ANK2: variants seen among roughly 807,000 people sequenced by gnomAD.
ANK2 encodes ankyrin 2.
ANK2 carries 83 observed loss-of-function variants against 360.5 expected under a neutral mutation model. The observed-to-expected ratio is 0.23, with a 90% CI of 0.19 to 0.28. The LOEUF is 0.28. Among genes scored for constraint, ANK2 ranks in the 10% least tolerant of loss-of-function variants. ANK2 has a pLI of 1.00. For synonymous variants in ANK2, 1,740 were observed against 1,759.5 expected, an observed-to-expected ratio of 0.99 and a Z score of 0.28; for missense variants, 4,201 against 4,795.7, an observed-to-expected ratio of 0.88 and a Z score of 3.66.
chr4:113,077,225 C>T (rs1040390842), intron 1 of ANK2, among the ~76,000 whole-genome samples: 2 of 151,796 alleles, frequency 1.3e-5, no homozygotes, highest in African/African-American at 4.8e-5. Flanking sequence ...AGAAGATTCT[C>T]ATCATATCAT....
At chr4:112,813,322 T>C (rs1012150432), upstream of ANK2, among the ~76,000 whole-genome samples, 4 of 150,774 alleles carry the variant, frequency 2.7e-5, no homozygotes, top group Non-Finnish European at 5.9e-5. Context: ...TTACAAATGA[T>C]GACAATAAAA....
Position 113,031,324 on chromosome 4 carries a change from A to T in ANK2, c.21+126810A>T, listed in dbSNP as rs1164854916. On this transcript the variant is annotated intron_variant, in intron 2 of 30. Transcript: ENST00000503271. Reference sequence around the variant, plus strand: ...TTCTCTTTATTGCATTTTTCTGGAGATATTTATCTTTCCCTGAACCCATTC... The same window carrying T: ...TTCTCTTTATTGCATTTTTCTGGAGTTATTTATCTTTCCCTGAACCCATTC... 31 of 151,850 alleles carry T rather than the reference A, an allele frequency of 2.0e-4. 1 individual carries two copies. The highest frequency in any genetic ancestry group is 4.6e-4 in the Non-Finnish European group (31 of 67,952). The allele number at this position is 151,850 out of a possible 1,614,324, so 9.4% of individuals were successfully genotyped here. A position where few individuals can be genotyped will look rare whatever the true frequency, so the allele number is the denominator to read the frequency against.
In ANK2 at chr4:113,063,858, G is replaced by T. The variant is rs190232785; in HGVS notation, c.84+14046G>T. Among the ~76,000 whole-genome samples the T allele has an allele frequency of 1.6e-3, 247 of 152,120 alleles. 5 individuals carry two copies. Among genetic ancestry groups the T allele is most frequent in the Non-Finnish European group, 8.5e-4 (58 of 67,980 alleles). On this transcript the variant is annotated intron_variant, in intron 1 of 45. Coordinates refer to ENST00000357077, the MANE Select transcript of ANK2 (RefSeq NM_001148.6). The stretch of plus-strand genomic sequence containing the variant: ...TAATGTCCAACTAAATACATTTGAA[G>T]TTATTTAGATTGCAATAAAAAAAAC...
At chr4:113,195,753 C>T (rs2098737773) in intron 2 of ANK2, among the ~76,000 whole-genome samples, 1 of 152,100 alleles carries the variant, frequency 6.6e-6, no homozygotes, top group Non-Finnish European at 1.5e-5. Context: ...TTCTATTTTT[C>T]AGGTTGAATT....
At chr4:113,211,709 A>C (rs2153453940) in intron 4 of ANK2, among the ~76,000 whole-genome samples, 1 of 152,320 alleles carries the variant, frequency 6.6e-6, no homozygotes, top group South Asian at 2.1e-4. Context: ...CACTTATTAC[A>C]GGAATTTGAA....
upstream of ANK2, among the ~76,000 whole-genome samples, chr4:113,045,965 A>C (rs79677273): frequency 1.9e-3 from 282 of 152,310 alleles, no homozygotes; most frequent in South Asian, 7.0e-3. Flanking sequence ...TATGCCATGC[A>C]CTGCAGTAGG....
intron 1 of ANK2, among the ~76,000 whole-genome samples, chr4:113,112,169 T>C (rs1450070009): frequency 6.6e-6 from 1 of 152,244 alleles, no homozygotes; most frequent in Non-Finnish European, 1.5e-5. Context: ...TTATAGTAAA[T>C]TAAAAGAATG....
intron 2 of ANK2, among the ~76,000 whole-genome samples, chr4:112,954,951 T>C (rs1210465598): frequency 6.6e-6 from 1 of 152,162 alleles, no homozygotes; most frequent in Non-Finnish European, 1.5e-5. Flanking sequence ...TGTAAAAAAC[T>C]GCATGACCAA....
intron 26 of ANK2, 74 bp downstream of exon 26, chr4:113,318,694 G>A: frequency 4.7e-6 from 6 of 1,273,374 alleles, no homozygotes; most frequent in Non-Finnish European, 6.7e-6. Context: ...GCTTTGTCCA[G>A]TAGCTTTAGC....
chr4:112,917,044 G>A (rs1270571669), intron 2 of ANK2, among the ~76,000 whole-genome samples: 2 of 152,176 alleles, frequency 1.3e-5, no homozygotes, highest in Non-Finnish European at 2.9e-5. Flanking sequence ...ATTAGGAAAC[G>A]CATATGCAAA....
chr4:113,101,456 T>G (rs1027767478), intron 1 of ANK2, among the ~76,000 whole-genome samples: 10 of 152,176 alleles, frequency 6.6e-5, no homozygotes, highest in Non-Finnish European at 1.3e-4. Flanking sequence ...ATTAGTGGTG[T>G]TAACTGGACT....
intron 2 of ANK2, among the ~76,000 whole-genome samples, chr4:113,007,329 C>G (rs886537334): frequency 5.9e-5 from 9 of 152,118 alleles, no homozygotes; most frequent in Non-Finnish European, 1.3e-4. Context: ...GCTGTGCTAT[C>G]CTGGAGAAGC....
intron 1 of ANK2, among the ~76,000 whole-genome samples, chr4:112,819,340 T>G (rs549770015): frequency 6.6e-6 from 1 of 152,352 alleles, no homozygotes; most frequent in East Asian, 1.9e-4. Flanking sequence ...GGCTATGTCT[T>G]TAAGCATTGG....
At chr4:113,195,286 T>G (rs1464302206) in intron 2 of ANK2, among the ~76,000 whole-genome samples, 1 of 152,132 alleles carries the variant, frequency 6.6e-6, no homozygotes, top group Non-Finnish European at 1.5e-5. Flanking sequence ...TACTATTAAA[T>G]GTCACAGTGT....
chr4:113,069,581 G>A (rs2076828885), intron 1 of ANK2, among the ~76,000 whole-genome samples: 1 of 152,186 alleles, frequency 6.6e-6, no homozygotes, highest in Admixed American at 6.5e-5. Flanking sequence ...CTTAAATGGA[G>A]TATTTTGCTA....
In ANK2 at chr4:113,195,607, G is replaced by A. The variant is rs79396155; in HGVS notation, c.187-761G>A. 7.9e-3 allele frequency among the ~76,000 whole-genome samples: 1,197 copies of A among 152,226 alleles called. 18 individuals carry two copies. Among genetic ancestry groups the A allele is most frequent in the African/African-American group, 0.027 (1,138 of 41,536 alleles). ...AATACCGTCTGTATAAGACAAGTGG[G>A]CTATGGAAGCTAATAATTGGCACCA... On this transcript the variant is annotated intron_variant, in intron 2 of 45. Coordinates refer to ENST00000357077, the MANE Select transcript of ANK2 (RefSeq NM_001148.6).
chr4:113,171,184 A>G (rs75280929), intron 1 of ANK2, among the ~76,000 whole-genome samples: 4,025 of 152,280 alleles, frequency 0.026, 160 homozygotes, highest in African/African-American at 0.091. Flanking sequence ...TATCATAATC[A>G]GTTGGGAAAC....
intron 1 of ANK2, among the ~76,000 whole-genome samples, chr4:112,821,508 TTTA>T (rs1579009767): frequency 2.6e-5 from 4 of 151,466 alleles, no homozygotes; most frequent in South Asian, 2.1e-4. Context: ...AATTTTTTTT[TTTA>T]TTTTTTTTTT....
intron 1 of ANK2, among the ~76,000 whole-genome samples, chr4:112,819,708 CA>C (rs1245664804): frequency 2.0e-5 from 3 of 152,154 alleles, no homozygotes; most frequent in African/African-American, 7.2e-5. Context: ...GTTACAGGTA[CA>C]AGCCATATAA....
Sources: allele counts gnomAD v4.1 joint callset (sites outside exome capture counted in the v4.1 genomes callset), GRCh38; gene constraint gnomAD v4.1.1; transcripts MANE v1.5; gene names NCBI Gene and HGNC (gene_info 2026-07-23, HGNC 2026-07-21).